DEDD2: variants seen among roughly 807,000 people sequenced by gnomAD.
The protein encoded by DEDD2 is DNA-binding death effector domain-containing protein 2.
Under a neutral mutation model 28.9 loss-of-function variants are expected in DEDD2, and 18 were observed. That is an observed-to-expected ratio of 0.62 (90% CI 0.43 to 0.92). The LOEUF is 0.92. DEDD2 is among the 40% of genes least tolerant of loss of function. The probability of loss-of-function intolerance (pLI) is 0.00; values close to 1 mark genes in which losing one functional copy is unlikely to be tolerated. For missense variants in DEDD2, 411 were observed against 463.3 expected (o/e 0.89, Z 1.04); for synonymous variants, 211 against 206.1 (o/e 1.02, Z -0.20).
intron 4 of DEDD2, among the ~76,000 whole-genome samples, chr19:42,205,794 A>T (rs1173587971): frequency 6.6e-6 from 1 of 151,394 alleles, no homozygotes; most frequent in African/African-American, 2.4e-5. Flanking sequence ...CCATAGAAAA[A>T]ATTGCAGGGG....
intron 4 of DEDD2, among the ~76,000 whole-genome samples, chr19:42,204,228 C>G (rs1430456095): frequency 1.3e-5 from 2 of 152,176 alleles, no homozygotes; most frequent in Non-Finnish European, 2.9e-5. Flanking sequence ...GAACCTCACT[C>G]AAGTCGTCTC....
At chr19:42,211,974 T>C (rs948714429) in intron 3 of DEDD2, 1 of 151,158 alleles carries the variant, frequency 6.6e-6, no homozygotes, top group East Asian at 2.0e-4. Context: ...GAGGCGGAGG[T>C]TGCGGTGAGC....
intron 4 of DEDD2, 116 bp downstream of exon 4, chr19:42,209,584 G>A: frequency 1.4e-6 from 2 of 1,403,006 alleles, no homozygotes; most frequent in East Asian, 2.6e-5. Flanking sequence ...TGGTGAACGA[G>A]AGCTGACACC....
Position 42,199,290 on chromosome 19 carries a change from G to A in DEDD2, c.*148C>T, listed in dbSNP as rs2035225981. On this transcript the variant is annotated 3_prime_UTR_variant, in exon 5 of 5. Transcript: ENST00000596251. This position sits in a 1 kb window ranked among gnomAD's most constrained non-coding sequence, Gnocchi z 7.4. ...AGGCCTCAGAGCCCACATCCTGTGG[G>A]AGGGGCTGTCAAGGGGCCTGCTGTC... The A allele has an allele frequency of 8.4e-7, 1 of 1,190,008 alleles. No homozygotes were observed. The highest frequency in any genetic ancestry group is 1.1e-6 in the Non-Finnish European group (1 of 877,882). 73.7% of individuals were successfully genotyped at this position (1,190,008 alleles called of 1,614,324 possible).
chr19:42,201,018 G>C (rs1422052674), intron 4 of DEDD2, among the ~76,000 whole-genome samples: 1 of 152,228 alleles, frequency 6.6e-6, no homozygotes, highest in African/African-American at 2.4e-5. Context: ...AGAAACAGCA[G>C]CAGCCAACAC....
chr19:42,199,193 G>C lies in DEDD2; in HGVS notation c.*245C>G. ...CTTCTGAGATACAGGCCCAGCCCCCGCCTCCGGAGGCTAAGGGGGCACACC... is the reference window on the plus strand; with the variant it reads ...CTTCTGAGATACAGGCCCAGCCCCCCCCTCCGGAGGCTAAGGGGGCACACC... On this transcript the variant is annotated 3_prime_UTR_variant, in exon 5 of 5. Coordinates refer to ENST00000596251, the MANE Select transcript of DEDD2 (RefSeq NM_133328.4). This position sits in a 1 kb window ranked among gnomAD's most constrained non-coding sequence, Gnocchi z 7.4. 1 of 571,712 alleles carries C rather than the reference G, an allele frequency of 1.7e-6. No homozygotes were observed. The highest frequency in any genetic ancestry group is 3.5e-5 in the Admixed American group (1 of 28,850). 35.4% of individuals were successfully genotyped at this position (571,712 alleles called of 1,614,324 possible).
At position 42,215,226 on chromosome 19, in the gene DEDD2, T is replaced by A; in HGVS notation, c.355A>T (p.Thr119Ser). ...TCTGTCCTCTTTGAAGAGCTGGAGG[T>A]GCCATAGCTATAGCGTTCTGGAGAC... ...PVSPERYSYGTSSSSKRTEGS... is the reference protein window; with the variant it reads ...PVSPERYSYGSSSSSKRTEGS... Residue 119 changes from threonine to serine, a missense_variant, in exon 3 of 5, where the codon ACC becomes TCC. This residue lies in a region of DEDD2 where 282 missense variants were observed against 273.4 expected (regional missense o/e 1.03). Transcript: ENST00000596251. 1 of 1,613,300 alleles carries A rather than the reference T, an allele frequency of 6.2e-7. No individual in the cohort carries two copies. Among genetic ancestry groups the A allele is most frequent in the Non-Finnish European group, 8.5e-7 (1 of 1,179,726 alleles).
At chr19:42,215,009 A>ACT (rs2035908743) in intron 3 of DEDD2, 124 bp downstream of exon 3, 1 of 1,327,928 alleles carries the variant, frequency 7.5e-7, no homozygotes, top group South Asian at 1.4e-5. Context: ...AAACACACAC[A>ACT]CACACACACA....
In DEDD2 at chr19:42,214,426, G is replaced by A. The variant is rs183707835; in HGVS notation, c.448+707C>T. 4.6e-5 allele frequency among the ~76,000 whole-genome samples: 7 copies of A among 152,170 alleles called. No individual in the cohort carries two copies. The East Asian group carries it at 1.4e-3, about 29-fold the overall frequency. On this transcript the variant is annotated intron_variant, in intron 3 of 4. Transcript: ENST00000596251. ...TGAGCCGAGATTGCACCACTGCACC[G>A]AAGCCTGAGTGACAGAATGAGATTC...
intron 1 of DEDD2, 94 bp from the exon 2 acceptor site, chr19:42,217,139 G>C (rs2146914377): frequency 1.0e-6 from 1 of 976,184 alleles, no homozygotes; most frequent in East Asian, 2.7e-5. Context: ...AATCGCGCCG[G>C]GCAGGGCCGC....
intron 4 of DEDD2, among the ~76,000 whole-genome samples, chr19:42,200,944 C>G (rs8110241): frequency 0.013 from 1,978 of 151,198 alleles, 30 homozygotes; most frequent in African/African-American, 0.039. Flanking sequence ...ATCACTTAGG[C>G]TAGTGACAGT....
At chr19:42,217,309 G>A (rs1259203862) in intron 1 of DEDD2, among the ~76,000 whole-genome samples, 4 of 152,100 alleles carry the variant, frequency 2.6e-5, no homozygotes, top group Non-Finnish European at 5.9e-5. Context: ...CAAACGATGC[G>A]GCCCAAACAA....
chr19:42,209,466 G>A (rs564647310), intron 4 of DEDD2, among the ~76,000 whole-genome samples: 3 of 152,274 alleles, frequency 2.0e-5, no homozygotes, highest in South Asian at 2.1e-4. Context: ...TAGGGCAGGG[G>A]GTTGTCAGGA....
intron 2 of DEDD2, among the ~76,000 whole-genome samples, chr19:42,216,429 G>A (rs2035970987): frequency 6.6e-6 from 1 of 152,242 alleles, no homozygotes; most frequent in Non-Finnish European, 1.5e-5. Flanking sequence ...ATGAAGGGCT[G>A]ACAGCTGTGC....
intron 4 of DEDD2, chr19:42,204,480 C>CA (rs2035451137): frequency 6.5e-6 from 1 of 152,738 alleles, no homozygotes; most frequent in East Asian, 1.9e-4. Context: ...AAGCCTGCTC[C>CA]CCTTGGCCTT....
intron 3 of DEDD2, among the ~76,000 whole-genome samples, chr19:42,212,649 G>A (rs1023338419): frequency 6.6e-6 from 1 of 151,994 alleles, no homozygotes; most frequent in African/African-American, 2.4e-5. Context: ...ATTTTTTATA[G>A]AGACAGGGTT....
At chr19:42,215,028 C>T (rs1318043704) in intron 3 of DEDD2, 105 bp downstream of exon 3, 11 of 1,441,066 alleles carry the variant, frequency 7.6e-6, no homozygotes, top group African/African-American at 2.9e-5. Context: ...CACACACACA[C>T]ACAGTGAAAA....
At chr19:42,208,950 G>A (rs1193280102) in intron 4 of DEDD2, among the ~76,000 whole-genome samples, 1 of 152,232 alleles carries the variant, frequency 6.6e-6, no homozygotes, top group Non-Finnish European at 1.5e-5. Flanking sequence ...GGAAACTGAG[G>A]TGGATGGCTG....
chr19:42,215,762 A>G (rs2035942256), intron 2 of DEDD2, among the ~76,000 whole-genome samples: 1 of 152,162 alleles, frequency 6.6e-6, no homozygotes. Flanking sequence ...AGTAACCCAG[A>G]CAAAGGCTTG....
Sources: gnomAD v4.1 joint callset for allele counts (sites outside exome capture counted in the v4.1 genomes callset) on GRCh38, gnomAD v4.1.1 for gene constraint, gnomAD v4.1.1 regional missense constraint, Gnocchi (gnomAD v3.1) non-coding constraint, MANE v1.5 for transcripts, NCBI Gene and HGNC (gene_info 2026-07-23, HGNC 2026-07-21) for gene names.